SMOC1: variants seen among roughly 807,000 people sequenced by gnomAD.
SMOC1 encodes the protein SPARC related modular calcium binding 1.
In SMOC1, 22 loss-of-function variants were observed where a neutral mutation model predicts 56.3. The observed-to-expected ratio is 0.39, with a 90% CI of 0.28 to 0.56. The LOEUF (loss-of-function observed/expected upper bound fraction) is 0.56. SMOC1 is among the 20% of genes least tolerant of loss of function. The probability of loss-of-function intolerance (pLI) is 0.61; values close to 1 mark genes in which losing one functional copy is unlikely to be tolerated. For synonymous variants in SMOC1, 193 were observed against 215.0 expected (o/e 0.90, Z 0.89); for missense variants, 509 against 565.4 (o/e 0.90, Z 1.01).
chr14:69,984,167 T>A (rs1884278967), intron 5 of SMOC1, among the ~76,000 whole-genome samples: 1 of 152,104 alleles, frequency 6.6e-6, no homozygotes. Context: ...CAGAAACAGA[T>A]CCACAAACAA....
chr14:70,027,959 C>G (rs910196211), intron 11 of SMOC1, among the ~76,000 whole-genome samples: 2 of 152,198 alleles, frequency 1.3e-5, no homozygotes, highest in African/African-American at 4.8e-5. Flanking sequence ...GGAGCAGAGC[C>G]TATGCGTCGG....
chr14:69,968,916 C>T (rs1360398305), intron 3 of SMOC1, among the ~76,000 whole-genome samples: 3 of 152,186 alleles, frequency 2.0e-5, no homozygotes, highest in Non-Finnish European at 4.4e-5. Flanking sequence ...AATGAAGCCA[C>T]AGGGTGAGAA....
chr14:69,914,581 C>G (rs1250246706), intron 1 of SMOC1, among the ~76,000 whole-genome samples: 1 of 149,668 alleles, frequency 6.7e-6, no homozygotes, highest in South Asian at 2.1e-4. Context: ...AGGAAGGAAA[C>G]AAACAAACAA....
intron 1 of SMOC1, among the ~76,000 whole-genome samples, chr14:69,919,738 C>G (rs1373825913): frequency 6.6e-6 from 1 of 152,198 alleles, no homozygotes; most frequent in African/African-American, 2.4e-5. Flanking sequence ...GCCTCATTCA[C>G]TCTCCTGGCT....
chr14:69,906,699 A>G (rs1884417638), intron 1 of SMOC1, among the ~76,000 whole-genome samples: 1 of 152,220 alleles, frequency 6.6e-6, no homozygotes, highest in Non-Finnish European at 1.5e-5. Context: ...GCCAACTGAG[A>G]GAGAGGGAAG....
intron 1 of SMOC1, among the ~76,000 whole-genome samples, chr14:69,881,387 C>T (rs1287088192): frequency 6.6e-6 from 1 of 151,560 alleles, no homozygotes; most frequent in Non-Finnish European, 1.5e-5. Context: ...GTGGGGGGCT[C>T]GTTTGTTTGC....
intron 1 of SMOC1, among the ~76,000 whole-genome samples, chr14:69,919,073 A>C (rs900139892): frequency 6.6e-6 from 1 of 152,068 alleles, no homozygotes; most frequent in African/African-American, 2.4e-5. Flanking sequence ...CACACACTTG[A>C]GGTGGGTTTG....
At chr14:69,907,212 C>T (rs1399927602) in intron 1 of SMOC1, among the ~76,000 whole-genome samples, 2 of 152,152 alleles carry the variant, frequency 1.3e-5, no homozygotes, top group African/African-American at 4.8e-5. Flanking sequence ...CCACAGGAAG[C>T]AGCACTGTGG....
intron 3 of SMOC1, among the ~76,000 whole-genome samples, chr14:69,961,603 A>G (rs1233692815): frequency 1.3e-5 from 2 of 151,700 alleles, no homozygotes; most frequent in Non-Finnish European, 2.9e-5. Flanking sequence ...GCTGTTCTTG[A>G]ACTCCTGAGC....
At chr14:70,008,414 T>C (rs1356497803) in intron 7 of SMOC1, among the ~76,000 whole-genome samples, 3 of 152,210 alleles carry the variant, frequency 2.0e-5, no homozygotes, top group Non-Finnish European at 4.4e-5. Flanking sequence ...GCTGGGATTA[T>C]AGGCATGAGC....
chr14:70,006,416 A>G (rs537685329), intron 7 of SMOC1, among the ~76,000 whole-genome samples: 69 of 152,326 alleles, frequency 4.5e-4, no homozygotes, highest in African/African-American at 1.6e-3. Flanking sequence ...GTCCTCAGAT[A>G]TGGAATAAGC....
rs192031279 is a variant in SMOC1, at chr14:69,994,972, T to C, written c.664+492T>C. 2.7e-3 allele frequency among the ~76,000 whole-genome samples: 411 copies of C among 152,280 alleles called. 1 individual carries two copies. The highest frequency in any genetic ancestry group is 9.1e-3 in the African/African-American group (378 of 41,544). On this transcript the variant is annotated intron_variant, in intron 7 of 11. Transcript: ENST00000361956. The stretch of plus-strand genomic sequence containing the variant: ...AATTTTTGAGGGGTGATCATATTTG[T>C]AGGATTTTTTTGTAGACTCTATTTA...
intron 3 of SMOC1, among the ~76,000 whole-genome samples, chr14:69,963,263 G>A (rs183664404): frequency 7.4e-4 from 113 of 152,238 alleles, no homozygotes; most frequent in African/African-American, 2.7e-3. Flanking sequence ...CCTGTAGCCT[G>A]TGCTGTGGTC....
At position 70,020,659 on chromosome 14, in the gene SMOC1, G is replaced by A. The variant is rs1031831310; in HGVS notation, c.1047-2544G>A. ...GGCTCAGCTGGGAGCCAGGCAGGGT[G>A]GGGGGCAGCAATCAGAAGTCGTGGC... On this transcript the variant is annotated intron_variant, in intron 10 of 11. Coordinates refer to ENST00000361956, the MANE Select transcript of SMOC1 (RefSeq NM_001034852.3). Among the ~76,000 whole-genome samples, 4 of 152,164 alleles carry A rather than the reference G, an allele frequency of 2.6e-5. No individual in the cohort carries two copies. In the South Asian group the frequency reaches 8.3e-4, roughly 32 times the overall value.
At chr14:69,913,446 A>G (rs1594798625) in intron 1 of SMOC1, among the ~76,000 whole-genome samples, 1 of 150,176 alleles carries the variant, frequency 6.7e-6, no homozygotes, top group African/African-American at 2.5e-5. Context: ...CAGATAAACA[A>G]TGAATTGGCG....
chr14:69,948,836 A>G (rs1010258350), intron 1 of SMOC1, among the ~76,000 whole-genome samples: 3 of 152,206 alleles, frequency 2.0e-5, no homozygotes, highest in Admixed American at 1.3e-4. Context: ...CGGATGAGAA[A>G]ACTAAAAGCC....
At chr14:69,940,749 T>TC (rs1302814614) in intron 1 of SMOC1, among the ~76,000 whole-genome samples, 1 of 152,050 alleles carries the variant, frequency 6.6e-6, no homozygotes, top group African/African-American at 2.4e-5. Context: ...CTCTATTTTT[T>TC]TTCCCTCAAT....
chr14:69,938,870 A>G (rs1035610351), intron 1 of SMOC1, among the ~76,000 whole-genome samples: 1 of 152,128 alleles, frequency 6.6e-6, no homozygotes, highest in African/African-American at 2.4e-5. Context: ...CTTCTTCCAC[A>G]TTCTTGGTCC....
intron 3 of SMOC1, among the ~76,000 whole-genome samples, chr14:69,960,613 A>G (rs1289071070): frequency 1.3e-5 from 2 of 152,158 alleles, no homozygotes; most frequent in African/African-American, 4.8e-5. Flanking sequence ...CTCAAAAAAC[A>G]TATTATTATT....
Sources: allele counts gnomAD v4.1 joint callset (sites outside exome capture counted in the v4.1 genomes callset), GRCh38; gene constraint gnomAD v4.1.1; transcripts MANE v1.5; gene names NCBI Gene and HGNC (gene_info 2026-07-23, HGNC 2026-07-21).